Variants in RELN observed in about 807,000 individuals in gnomAD.
The protein encoded by RELN is reelin.
Under a neutral mutation model 427.6 loss-of-function variants are expected in RELN, and 108 were observed. The ratio of observed to expected loss-of-function variants is 0.25; its 90% CI spans 0.22 to 0.30. The LOEUF is 0.30. RELN is among the 10% of genes least tolerant of loss of function. The pLI, the probability that RELN is intolerant of heterozygous loss-of-function variation, is 1.00. For missense variants in RELN, 3,715 were observed against 4,302.8 expected (o/e 0.86, Z 3.82); for synonymous variants, 1,524 against 1,513.4 (o/e 1.01, Z -0.16).
chr7:103,477,345 A>G (rs1159098657), intron 64 of RELN, among the ~76,000 whole-genome samples: 1 of 152,242 alleles, frequency 6.6e-6, no homozygotes, highest in African/African-American at 2.4e-5. Flanking sequence ...TGGAGGAGAT[A>G]GAGAATTGAT....
At position 103,962,646 on chromosome 7, in the gene RELN, TTG is replaced by T. The variant is rs57782980; in HGVS notation, c.226+26483_226+26484del. 3.4e-3 allele frequency among the ~76,000 whole-genome samples: 504 copies of T among 149,814 alleles called. 2 individuals carry two copies. The highest frequency in any genetic ancestry group is 4.0e-3 in the Non-Finnish European group (271 of 67,382). Reference sequence around the variant, plus strand: ...TGTTGGATTTTCCATTCCAAAGTTGTTGTGTGTGTGTGTGTGTGTGTGTGTGT... The same window carrying T: ...TGTTGGATTTTCCATTCCAAAGTTGTTGTGTGTGTGTGTGTGTGTGTGTGT... On this transcript the variant is annotated intron_variant, in intron 1 of 64. Coordinates refer to ENST00000428762, the MANE Select transcript of RELN (RefSeq NM_005045.4).
chr7:103,925,927 A>G (rs12705167), intron 1 of RELN, among the ~76,000 whole-genome samples: 36,299 of 151,930 alleles, frequency 0.24, 5,592 homozygotes, highest in Non-Finnish European at 0.34. Flanking sequence ...AGGTGTGTAA[A>G]GCTTTTATAC....
chr7:103,753,219 A>C lies in RELN; in HGVS notation c.545-5T>G, dbSNP rs771563247. 6.2e-7 allele frequency: 1 copy of C among 1,614,038 alleles called. No homozygotes were observed. The highest frequency in any genetic ancestry group is 8.5e-7 in the Non-Finnish European group (1 of 1,179,960). The stretch of plus-strand genomic sequence containing the variant: ...GCACAGTGACATCTGTTGGAGCTGA[A>C]TCAAGAGAGGAAAGAAGAAAGACAA... On this transcript the variant is annotated splice_region_variant and splice_polypyrimidine_tract_variant and intron_variant, in intron 4 of 64. Coordinates refer to ENST00000428762, the MANE Select transcript of RELN (RefSeq NM_005045.4).
At chr7:103,591,239 G>C (rs116416714) in intron 27 of RELN, among the ~76,000 whole-genome samples, 2 of 152,164 alleles carry the variant, frequency 1.3e-5, no homozygotes, top group African/African-American at 4.8e-5. Flanking sequence ...TGTTGTAAAA[G>C]ACTTTACTAA....
At chr7:103,890,731 C>T (rs1794829097) in intron 2 of RELN, among the ~76,000 whole-genome samples, 1 of 152,056 alleles carries the variant, frequency 6.6e-6, no homozygotes, top group Admixed American at 6.5e-5. Flanking sequence ...ATGGTAGGAC[C>T]CCAGAGTCCT....
At chr7:103,956,551 C>CA (rs1308397258) in intron 1 of RELN, among the ~76,000 whole-genome samples, 1 of 152,084 alleles carries the variant, frequency 6.6e-6, no homozygotes, top group Non-Finnish European at 1.5e-5. Flanking sequence ...GGCTAGTTTT[C>CA]AAAACTTTTT....
At chr7:103,714,214 A>C (rs530362823) in intron 8 of RELN, among the ~76,000 whole-genome samples, 60 of 152,266 alleles carry the variant, frequency 3.9e-4, no homozygotes, top group African/African-American at 1.4e-3. Flanking sequence ...TACCTATATA[A>C]ATTTGTTCCA....
chr7:103,982,386 T>A (rs1403028846), intron 1 of RELN, among the ~76,000 whole-genome samples: 1 of 152,160 alleles, frequency 6.6e-6, no homozygotes, highest in African/African-American at 2.4e-5. Flanking sequence ...CAGAGCTTGA[T>A]ACAAGAATTA....
intron 1 of RELN, among the ~76,000 whole-genome samples, chr7:103,957,219 C>T (rs113641470): frequency 0.034 from 5,225 of 151,458 alleles, 282 homozygotes; most frequent in African/African-American, 0.12. Context: ...TGAAAAAAGA[C>T]GACTTTTTCA....
chr7:103,934,560 G>C (rs112286045), intron 1 of RELN, among the ~76,000 whole-genome samples: 1 of 152,198 alleles, frequency 6.6e-6, no homozygotes, highest in South Asian at 2.1e-4. Flanking sequence ...CTGACATGGA[G>C]GGTCCATGTA....
chr7:103,817,427 C>T (rs1792901043), intron 3 of RELN, among the ~76,000 whole-genome samples: 1 of 152,150 alleles, frequency 6.6e-6, no homozygotes, highest in Non-Finnish European at 1.5e-5. Flanking sequence ...AGATAAGGCT[C>T]TGCTTTTAAT....
At chr7:103,923,953 A>G (rs1441980489) in intron 1 of RELN, among the ~76,000 whole-genome samples, 1 of 152,180 alleles carries the variant, frequency 6.6e-6, no homozygotes. Context: ...CTATGTGATA[A>G]TTACTATAAT....
intron 1 of RELN, among the ~76,000 whole-genome samples, chr7:103,984,435 A>C (rs2116849702): frequency 6.6e-6 from 1 of 152,290 alleles, no homozygotes; most frequent in South Asian, 2.1e-4. Context: ...ATATAATTAA[A>C]TAACTCCTAG....
intron 1 of RELN, among the ~76,000 whole-genome samples, chr7:103,940,394 C>G (rs536939442): frequency 6.6e-6 from 1 of 152,328 alleles, no homozygotes; most frequent in African/African-American, 2.4e-5. Flanking sequence ...GTTATGTGTT[C>G]AAACTATTAG....
rs780599442 is a variant in RELN, at chr7:103,988,516, T to C, written c.226+615A>G. 2.0e-5 allele frequency among the ~76,000 whole-genome samples: 3 copies of C among 152,188 alleles called. No individual in the cohort carries two copies. The highest frequency in any genetic ancestry group is 4.4e-5 in the Non-Finnish European group (3 of 68,034). On this transcript the variant is annotated intron_variant, in intron 1 of 64. Transcript: ENST00000428762. This position sits in a 1 kb window ranked among gnomAD's most constrained non-coding sequence, Gnocchi z 4.9. ...AGGAATCAGAAAAATCATCAATTACTGACATATTAAATCACACTTTCAAAA... is the reference window on the plus strand; with the variant it reads ...AGGAATCAGAAAAATCATCAATTACCGACATATTAAATCACACTTTCAAAA...
chr7:103,744,143 C>A (rs1397162676), intron 6 of RELN, among the ~76,000 whole-genome samples: 2 of 152,178 alleles, frequency 1.3e-5, no homozygotes, highest in Non-Finnish European at 2.9e-5. Context: ...GGAAACTGAA[C>A]AACCTGCTCC....
chr7:103,522,853 C>CACACACACACACACA (rs1189048440), intron 47 of RELN, among the ~76,000 whole-genome samples: 34 of 22,148 alleles, frequency 1.5e-3, no homozygotes, highest in Middle Eastern at 0.033. Context: ...ACACACACAC[C>CACACACACACACACA]CCCACACCTT....
Position 103,603,274 on chromosome 7 carries a change from C to T in RELN, c.3333+30G>A, listed in dbSNP as rs1295115986. ...GTCTCATATTAAACTAGCCATTGCC[C>T]CGATGACTTATCCCAGCTGTTGGTC... On this transcript the variant is annotated intron_variant, in intron 24 of 64. Coordinates refer to ENST00000428762, the MANE Select transcript of RELN (RefSeq NM_005045.4). The surrounding 1 kb of genome is among the most constrained non-coding windows in gnomAD (Gnocchi z 4.3). The T allele has an allele frequency of 1.3e-6, 2 of 1,578,732 alleles. No individual in the cohort carries two copies. Among genetic ancestry groups the T allele is most frequent in the Non-Finnish European group, 1.7e-6 (2 of 1,147,884 alleles).
intron 27 of RELN, 79 bp downstream of exon 27, chr7:103,593,603 T>A (rs1468479694): frequency 1.6e-6 from 2 of 1,250,158 alleles, no homozygotes; most frequent in East Asian, 4.7e-5. Context: ...AAATTTGTGT[T>A]CTTTGTGAGT....
Sources: allele counts gnomAD v4.1 joint callset (sites outside exome capture counted in the v4.1 genomes callset), GRCh38; gene constraint gnomAD v4.1.1; non-coding constraint Gnocchi (gnomAD v3.1); transcripts MANE v1.5; gene names NCBI Gene and HGNC (gene_info 2026-07-23, HGNC 2026-07-21).